The following CELF4 variants were observed in gnomAD, a reference collection of about 807,000 sequenced individuals.
CELF4 encodes CUGBP Elav-like family member 4.
A neutral mutation model predicts 59.9 loss-of-function variants in CELF4; 18 were observed. The observed-to-expected ratio is 0.30, with a 90% CI of 0.21 to 0.45. CELF4 has a LOEUF of 0.45. Ranked by LOEUF, CELF4 falls within the 20% of genes least tolerant of loss-of-function variation. The pLI is 1.00. For missense variants in CELF4, 456 were observed against 689.0 expected, an observed-to-expected ratio of 0.66 and a Z score of 3.79; for synonymous variants, 261 against 267.1, an observed-to-expected ratio of 0.98 and a Z score of 0.22.
intron 1 of CELF4, among the ~76,000 whole-genome samples, 162 bp downstream of exon 1, chr18:37,565,194 C>G (rs779332253): frequency 6.6e-6 from 1 of 152,166 alleles, no homozygotes; most frequent in African/African-American, 2.4e-5. Context: ...CAGCTCCCCA[C>G]GCACCCCAGC....
rs143586177 is a variant in CELF4, at chr18:37,403,161, C to G, written c.370-81280G>C. 2.9e-3 allele frequency among the ~76,000 whole-genome samples: 431 copies of G among 149,774 alleles called. 5 individuals are homozygous for G. The highest frequency in any genetic ancestry group is 0.01 in the African/African-American group (417 of 40,968). On this transcript the variant is annotated intron_variant, in intron 2 of 12. Coordinates refer to ENST00000420428, the MANE Select transcript of CELF4 (RefSeq NM_020180.4). ...ACAGGCAGAGAGAGAAGGAAGAGGG[C>G]TGGGGTTGGGGGAGGGCGGGCCAGC...
chr18:37,293,754 C>T (rs2154426988), intron 3 of CELF4, among the ~76,000 whole-genome samples: 2 of 152,284 alleles, frequency 1.3e-5, no homozygotes, highest in South Asian at 4.2e-4. Flanking sequence ...AAGAGGTTAT[C>T]TGATGGGCTA....
At chr18:37,336,254 C>T (rs1384677468) in intron 2 of CELF4, among the ~76,000 whole-genome samples, 4 of 152,350 alleles carry the variant, frequency 2.6e-5, no homozygotes, top group Non-Finnish European at 5.9e-5. Context: ...TGTAGGGCCT[C>T]ACTCTGTCAC....
Position 37,254,517 on chromosome 18 carries a change from G to A in CELF4, c.1334-579C>T, listed in dbSNP as rs888011112. Among the ~76,000 whole-genome samples, 4 of 151,834 alleles carry A rather than the reference G, an allele frequency of 2.6e-5. No homozygotes were observed. Among genetic ancestry groups the A allele is most frequent in the African/African-American group, 9.7e-5 (4 of 41,358 alleles). ...GGAGGCCCAGAGGCTGAGCCCTCGC[G>A]GGCCCTCCGCCCCCACTCCCGGCCT... On this transcript the variant is annotated intron_variant, in intron 11 of 12. Transcript: ENST00000420428. This position sits in a 1 kb window ranked among gnomAD's most constrained non-coding sequence, Gnocchi z 5.1.
At chr18:37,275,292 C>G (rs1158400176) in intron 3 of CELF4, 49 bp from the exon 4 acceptor site, 2 of 1,465,138 alleles carry the variant, frequency 1.4e-6, no homozygotes, top group Non-Finnish European at 1.8e-6. Flanking sequence ...CCGGGCTGCG[C>G]GGGAGCAGGG....
chr18:37,282,656 C>G (rs1278628158), intron 3 of CELF4, among the ~76,000 whole-genome samples: 1 of 152,202 alleles, frequency 6.6e-6, no homozygotes, highest in Non-Finnish European at 1.5e-5. Flanking sequence ...TCTGCACTCC[C>G]ATCCTTGGAG....
intron 2 of CELF4, among the ~76,000 whole-genome samples, chr18:37,412,198 T>C (rs535045225): frequency 6.6e-6 from 1 of 152,296 alleles, no homozygotes; most frequent in East Asian, 1.9e-4. Context: ...ACAAAACAGA[T>C]ATGATACCTT....
chr18:37,469,680 G>C (rs935598636), intron 2 of CELF4, among the ~76,000 whole-genome samples: 2 of 152,186 alleles, frequency 1.3e-5, no homozygotes, highest in Non-Finnish European at 2.9e-5. Context: ...AAGAATAGAA[G>C]AAGATGGCAC....
chr18:37,397,188 G>C (rs1484053843), intron 2 of CELF4, among the ~76,000 whole-genome samples: 2 of 152,206 alleles, frequency 1.3e-5, no homozygotes, highest in African/African-American at 4.8e-5. Context: ...CAGCTGTTCA[G>C]TGCTTGGTTC....
At chr18:37,473,657 A>T (rs2099840500) in intron 2 of CELF4, 1 of 152,226 alleles carries the variant, frequency 6.6e-6, no homozygotes, top group African/African-American at 2.4e-5. Context: ...CAGCATCCTC[A>T]TGGAAGCATC....
At chr18:37,367,049 C>G (rs2098794071) in intron 2 of CELF4, among the ~76,000 whole-genome samples, 1 of 152,170 alleles carries the variant, frequency 6.6e-6, no homozygotes, top group South Asian at 2.1e-4. Context: ...GAAGCCTTAA[C>G]CTGGCTTCAG....
chr18:37,516,148 T>C (rs1195078037), intron 1 of CELF4, among the ~76,000 whole-genome samples: 1 of 152,198 alleles, frequency 6.6e-6, no homozygotes, highest in Non-Finnish European at 1.5e-5. Context: ...AAAAATATTA[T>C]TTACTGGCTT....
intron 2 of CELF4, among the ~76,000 whole-genome samples, chr18:37,372,401 T>A (rs545354062): frequency 6.6e-6 from 1 of 152,204 alleles, no homozygotes; most frequent in South Asian, 2.1e-4. Context: ...AAACACCGTA[T>A]GTTCTCACTC....
chr18:37,343,518 G>C (rs143573749), intron 2 of CELF4, among the ~76,000 whole-genome samples: 41 of 152,108 alleles, frequency 2.7e-4, no homozygotes, highest in African/African-American at 9.4e-4. Flanking sequence ...GGCCAGGCTC[G>C]GCTTTGTGTT....
chr18:37,334,737 C>A (rs1402143522), intron 2 of CELF4, among the ~76,000 whole-genome samples: 1 of 151,938 alleles, frequency 6.6e-6, no homozygotes, highest in East Asian at 2.0e-4. Context: ...GGGGGGACAG[C>A]TCCTTTCTCT....
chr18:37,392,167 C>T (rs557761508), intron 2 of CELF4, among the ~76,000 whole-genome samples: 1 of 152,266 alleles, frequency 6.6e-6, no homozygotes, highest in Non-Finnish European at 1.5e-5. Context: ...GAAAGGTTTT[C>T]CCCCAAGAAC....
At chr18:37,290,619 A>G (rs1214160958) in intron 3 of CELF4, among the ~76,000 whole-genome samples, 1 of 152,158 alleles carries the variant, frequency 6.6e-6, no homozygotes, top group East Asian at 1.9e-4. Context: ...TTACCTATCT[A>G]GAGGGAAGGA....
chr18:37,411,012 AG>A, intron 2 of CELF4, among the ~76,000 whole-genome samples: 1 of 152,268 alleles, frequency 6.6e-6, no homozygotes, highest in Middle Eastern at 3.4e-3. Context: ...GCTGGAGTGA[AG>A]TGGCACTATC....
intron 1 of CELF4, among the ~76,000 whole-genome samples, chr18:37,498,794 T>A (rs1038678767): frequency 1.3e-5 from 2 of 151,374 alleles, no homozygotes; most frequent in South Asian, 4.2e-4. Context: ...GGGAGGGAGG[T>A]GGGTCTGGCT....
Sources: allele counts gnomAD v4.1 joint callset (sites outside exome capture counted in the v4.1 genomes callset), GRCh38; gene constraint gnomAD v4.1.1; non-coding constraint Gnocchi (gnomAD v3.1); transcripts MANE v1.5; gene names NCBI Gene and HGNC (gene_info 2026-07-23, HGNC 2026-07-21).